Variants in LRRC56 observed in about 807,000 individuals in gnomAD.
LRRC56 encodes leucine rich repeat containing 56.
LRRC56 carries 41 observed loss-of-function variants against 47.8 expected under a neutral mutation model. The ratio of observed to expected loss-of-function variants is 0.86; its 90% CI spans 0.67 to 1.11. The LOEUF is 1.11. LRRC56 is among the 50% of genes most tolerant of loss of function. The pLI, the probability that LRRC56 is intolerant of heterozygous loss-of-function variation, is 0.00. For missense variants in LRRC56, 759 were observed against 704.2 expected, an observed-to-expected ratio of 1.08 and a Z score of -0.88; for synonymous variants, 387 against 311.2, an observed-to-expected ratio of 1.24 and a Z score of -2.56.
chr11:549,784 A>G, intron 6 of LRRC56, 118 bp from the exon 7 acceptor site: 3 of 764,010 alleles, frequency 3.9e-6, no homozygotes, highest in Admixed American at 4.8e-5. Context: ...CCCCTTCCTC[A>G]GTCTAGAGGC....
chr11:511,593 C>T, the LRRC56 span, among the ~76,000 whole-genome samples: 1 of 152,230 alleles, frequency 6.6e-6, no homozygotes, highest in Non-Finnish European at 1.5e-5. Flanking sequence ...CATAAGGGTT[C>T]TTCACTGCAA....
At chr11:514,275 T>C in the LRRC56 span, among the ~76,000 whole-genome samples, 1 of 151,282 alleles carries the variant, frequency 6.6e-6, no homozygotes, top group Non-Finnish European at 1.5e-5. Flanking sequence ...ATTACAGGTG[T>C]GAGCCACCAC....
At chr11:533,267 G>T, upstream of LRRC56, 1 of 1,577,138 alleles carries the variant, frequency 6.3e-7, no homozygotes, top group East Asian at 2.3e-5. Flanking sequence ...TGCCGTCCCG[G>T]GAGACTTACA....
rs1479448061 is a variant in LRRC56, at chr11:541,391, C to T, written c.178-146C>T. On this transcript the variant is annotated intron_variant, in intron 4 of 13. Coordinates refer to ENST00000270115, the MANE Select transcript of LRRC56 (RefSeq NM_198075.4). The surrounding 1 kb of genome is among the most constrained non-coding windows in gnomAD (Gnocchi z 4.1). ...CCTGTCACATCCACTCCCATCCCAC[C>T]ACCCAGGCCAGGGCCAACATGGCCC... 1.1e-5 allele frequency: 5 copies of T among 464,198 alleles called. No individual in the cohort carries two copies. The highest frequency in any genetic ancestry group is 3.5e-5 in the East Asian group (1 of 28,708). The allele number at this position is 464,198 out of a possible 1,614,324, so 28.8% of individuals were successfully genotyped here. A position where few individuals can be genotyped will look rare whatever the true frequency, so the allele number is the denominator to read the frequency against.
the LRRC56 span, among the ~76,000 whole-genome samples, chr11:514,026 C>G: frequency 6.6e-6 from 1 of 152,072 alleles, no homozygotes; most frequent in South Asian, 2.1e-4. Flanking sequence ...GAGTCTCACT[C>G]TCTTGCCCAG....
At chr11:546,917 A>G (rs1852111620) in intron 6 of LRRC56, among the ~76,000 whole-genome samples, 1 of 152,050 alleles carries the variant, frequency 6.6e-6, no homozygotes, top group African/African-American at 2.4e-5. Flanking sequence ...AGAAATAGCC[A>G]GGCATGGTGT....
chr11:512,823 C>T, the LRRC56 span, among the ~76,000 whole-genome samples: 1 of 152,204 alleles, frequency 6.6e-6, no homozygotes, highest in South Asian at 2.1e-4. Flanking sequence ...AGGCAAGACC[C>T]ACAGTGGGGC....
the LRRC56 span, among the ~76,000 whole-genome samples, chr11:515,845 T>C: frequency 6.6e-6 from 1 of 151,900 alleles, no homozygotes; most frequent in Non-Finnish European, 1.5e-5. Context: ...CTCAAAAAAA[T>C]TAATAGTAAA....
chr11:533,147 G>A, upstream of LRRC56: 2 of 838,738 alleles, frequency 2.4e-6, no homozygotes, highest in Non-Finnish European at 3.6e-6. Flanking sequence ...CACCGCTCCG[G>A]CCTGGCTCAG....
chr11:536,447 G>C (rs1054294119), upstream of LRRC56, among the ~76,000 whole-genome samples: 1 of 152,202 alleles, frequency 6.6e-6, no homozygotes. Flanking sequence ...TTTTAAAATT[G>C]CAAAGGAATC....
At chr11:534,007 A>T (rs2133992592), upstream of LRRC56, 1 of 1,549,864 alleles carries the variant, frequency 6.5e-7, no homozygotes, top group Non-Finnish European at 8.8e-7. Context: ...TCACACAGCC[A>T]GCCTCTCCCT....
In LRRC56 at chr11:541,236, C is replaced by T. The variant is rs556560043; in HGVS notation, c.178-301C>T. Among the ~76,000 whole-genome samples the T allele has an allele frequency of 2.0e-5, 3 of 152,236 alleles. No homozygotes were observed. Among genetic ancestry groups the T allele is most frequent in the Non-Finnish European group, 2.9e-5 (2 of 67,998 alleles). On this transcript the variant is annotated intron_variant, in intron 4 of 13. Coordinates refer to ENST00000270115, the MANE Select transcript of LRRC56 (RefSeq NM_198075.4). This position sits in a 1 kb window ranked among gnomAD's most constrained non-coding sequence, Gnocchi z 4.1. The stretch of plus-strand genomic sequence containing the variant: ...ATGGCTCAAAGCTCAGGGCAGGGCC[C>T]GGCGCGGTCCGGGCTCTGGGTGCCG...
At chr11:534,541 C>T (rs1851337762), upstream of LRRC56, 2 of 594,834 alleles carry the variant, frequency 3.4e-6, no homozygotes, top group Admixed American at 5.9e-5. Flanking sequence ...ACCCAGCGTG[C>T]GGGAGGGCTG....
chr11:507,971 G>T, the LRRC56 span, among the ~76,000 whole-genome samples: 1 of 152,256 alleles, frequency 6.6e-6, no homozygotes, highest in African/African-American at 2.4e-5. Context: ...ACTGAGGGGC[G>T]CAGGCCGAGT....
the LRRC56 span, among the ~76,000 whole-genome samples, chr11:528,035 C>T: frequency 6.6e-6 from 1 of 151,992 alleles, no homozygotes; most frequent in South Asian, 2.1e-4. Flanking sequence ...AGGGTTTCAC[C>T]GTGTTGGCCA....
chr11:518,256 A>C, the LRRC56 span, among the ~76,000 whole-genome samples: 3 of 151,472 alleles, frequency 2.0e-5, no homozygotes, highest in Admixed American at 2.0e-4. Flanking sequence ...ATCTCAGCTC[A>C]CTGCAAGCTC....
chr11:545,586 G>C (rs1852030792), intron 6 of LRRC56, among the ~76,000 whole-genome samples: 1 of 152,108 alleles, frequency 6.6e-6, no homozygotes, highest in South Asian at 2.1e-4. Context: ...GAGAGGCACA[G>C]CAGAGCCTGT....
At position 554,220 on chromosome 11, in the gene LRRC56, G is replaced by A. The variant is rs376628172; in HGVS notation, c.1573G>A (p.Ala525Thr). Residue 525 changes from alanine (A) to threonine (T), a missense_variant, in exon 14 of 14, where the codon GCA (alanine) becomes ACA (threonine). Coordinates refer to ENST00000270115, the MANE Select transcript of LRRC56 (RefSeq NM_198075.4). ...CPGPKPAPDAAARPPRAAELS... is the reference protein window; with the variant it reads ...CPGPKPAPDATARPPRAAELS... ...TGGCCCAAAGCCAGCACCAGATGCA[G>A]CAGCTAGACCTCCCAGGGCAGCTGA... 83 of 1,526,024 alleles carry A rather than the reference G, an allele frequency of 5.4e-5. No homozygotes were observed. The highest frequency in any genetic ancestry group is 2.7e-4 in the Admixed American group (13 of 49,026). The allele number at this position is 1,526,024 out of a possible 1,614,324, so 94.5% of individuals were successfully genotyped here.
rs112603654 is a variant in LRRC56, at chr11:541,922, A to G, written c.265+298A>G. ...CGCCAGTACCCCCGGCACGCTCAGTACCCCACACACCCACGCCAGTACCCC... is the reference window on the plus strand; with the variant it reads ...CGCCAGTACCCCCGGCACGCTCAGTGCCCCACACACCCACGCCAGTACCCC... On this transcript the variant is annotated intron_variant, in intron 5 of 13. Coordinates refer to ENST00000270115, the MANE Select transcript of LRRC56 (RefSeq NM_198075.4). The surrounding 1 kb of genome is among the most constrained non-coding windows in gnomAD (Gnocchi z 4.1). 0.059 allele frequency among the ~76,000 whole-genome samples: 1,922 copies of G among 32,832 alleles called. 59 individuals carry two copies. The highest frequency in any genetic ancestry group is 0.13 in the South Asian group (85 of 632). 21.5% of individuals were successfully genotyped at this position (32,832 alleles called of 152,430 possible).
Sources: allele counts gnomAD v4.1 joint callset (sites outside exome capture counted in the v4.1 genomes callset), GRCh38; gene constraint gnomAD v4.1.1; non-coding constraint Gnocchi (gnomAD v3.1); transcripts MANE v1.5; gene names NCBI Gene and HGNC (gene_info 2026-07-23, HGNC 2026-07-21).